The following GRIK2 variants were observed in gnomAD, a reference collection of about 807,000 sequenced individuals.
GRIK2 encodes the protein glutamate receptor ionotropic, kainate 2.
A neutral mutation model predicts 100.3 loss-of-function variants in GRIK2; 32 were observed. The ratio of observed to expected loss-of-function variants is 0.32; its 90% CI spans 0.24 to 0.43. The LOEUF (loss-of-function observed/expected upper bound fraction) is 0.43. Ranked by LOEUF, GRIK2 falls within the 20% of genes least tolerant of loss-of-function variation. GRIK2 has a pLI of 1.00. For missense variants in GRIK2, 843 were observed against 1,114.9 expected (o/e 0.76, Z 3.47); for synonymous variants, 417 against 389.4 (o/e 1.07, Z -0.83).
intron 7 of GRIK2, among the ~76,000 whole-genome samples, chr6:101,781,810 T>TAA (rs1306993707): frequency 1.3e-5 from 2 of 151,682 alleles, no homozygotes; most frequent in Non-Finnish European, 2.9e-5. Flanking sequence ...ACCCACCTAT[T>TAA]ATTGAACCAT....
At chr6:101,454,098 G>A (rs1010011588) in intron 2 of GRIK2, among the ~76,000 whole-genome samples, 2 of 152,018 alleles carry the variant, frequency 1.3e-5, no homozygotes, top group Non-Finnish European at 2.9e-5. Flanking sequence ...ACTGAAGGAA[G>A]AAGGCCGATT....
intron 14 of GRIK2, among the ~76,000 whole-genome samples, chr6:102,002,369 T>A (rs1280549982): frequency 2.1e-5 from 3 of 145,804 alleles, no homozygotes; most frequent in Non-Finnish European, 4.6e-5. Context: ...ATATTATGTA[T>A]ATATTTATGT....
At chr6:102,002,645 T>C (rs939867916) in intron 14 of GRIK2, among the ~76,000 whole-genome samples, 1 of 150,692 alleles carries the variant, frequency 6.6e-6, no homozygotes, top group Admixed American at 6.6e-5. Flanking sequence ...TATTTTTGGT[T>C]ATTTTGGGTA....
intron 2 of GRIK2, among the ~76,000 whole-genome samples, chr6:101,483,142 A>G (rs1049310246): frequency 1.3e-5 from 2 of 152,158 alleles, no homozygotes; most frequent in African/African-American, 4.8e-5. Context: ...TTTCTAAAGC[A>G]GTGGTCGCAA....
chr6:101,705,301 C>CT (rs1299561306), intron 7 of GRIK2, among the ~76,000 whole-genome samples: 2 of 150,810 alleles, frequency 1.3e-5, no homozygotes, highest in African/African-American at 2.4e-5. Context: ...TCTTCTTCTT[C>CT]TTTTTTTTAA....
chr6:101,686,367 C>G lies in GRIK2; in HGVS notation c.951+14C>G, dbSNP rs1771700896. On this transcript the variant is annotated intron_variant, in intron 7 of 16. Coordinates refer to ENST00000369134, the MANE Select transcript of GRIK2 (RefSeq NM_021956.5). ...GGATTTATGACGGTATGAATACCCA[C>G]TTAAAGATCAGTTTGTGTGTTTCTA... 1 of 1,598,998 alleles carries G rather than the reference C, an allele frequency of 6.3e-7. No homozygotes were observed. Among genetic ancestry groups the G allele is most frequent in the African/African-American group, 1.3e-5 (1 of 74,566 alleles).
At chr6:101,836,661 A>ATATTTTTTT (rs1246261796) in intron 10 of GRIK2, among the ~76,000 whole-genome samples, 3 of 57,808 alleles carry the variant, frequency 5.2e-5, no homozygotes, top group Non-Finnish European at 8.5e-5. Context: ...ATATATATAT[A>ATATTTTTTT]TTTTTTTTTT....
intron 2 of GRIK2, among the ~76,000 whole-genome samples, chr6:101,516,507 A>G (rs2128279940): frequency 6.6e-6 from 1 of 152,228 alleles, no homozygotes; most frequent in African/African-American, 2.4e-5. Context: ...CTTTTTAACA[A>G]ATGATACTGG....
chr6:101,775,201 A>G (rs915659021), intron 7 of GRIK2, among the ~76,000 whole-genome samples: 5 of 152,164 alleles, frequency 3.3e-5, no homozygotes, highest in Non-Finnish European at 5.9e-5. Context: ...AAAATAAGCT[A>G]ATTGGCAATC....
In GRIK2 at chr6:101,700,085, A is replaced by G. The variant is rs145814280; in HGVS notation, c.951+13732A>G. Among the ~76,000 whole-genome samples, 381 of 152,106 alleles carry G rather than the reference A, an allele frequency of 2.5e-3. 6 individuals carry two copies. Among genetic ancestry groups the G allele is most frequent in the African/African-American group, 9.0e-3 (374 of 41,532 alleles). Reference sequence around the variant, plus strand: ...AGATCACTTGATCCTGAGAGGTCGAAGCTGCAGTGAGCCGTGATCATGCAA... The same window carrying G: ...AGATCACTTGATCCTGAGAGGTCGAGGCTGCAGTGAGCCGTGATCATGCAA... On this transcript the variant is annotated intron_variant, in intron 7 of 16. Transcript: ENST00000369134.
chr6:101,624,478 T>G (rs1780332998), intron 3 of GRIK2, among the ~76,000 whole-genome samples: 1 of 152,196 alleles, frequency 6.6e-6, no homozygotes, highest in Admixed American at 6.5e-5. Flanking sequence ...AAACAAGTGT[T>G]CTGACAATAA....
rs73761486 is a variant in GRIK2 at position 101,931,459 on chromosome 6, A to G, written c.2085+2827A>G. Among the ~76,000 whole-genome samples the G allele has an allele frequency of 9.0e-3, 1,366 of 152,260 alleles. 19 individuals are homozygous for G. The highest frequency in any genetic ancestry group is 0.031 in the African/African-American group (1,281 of 41,562). On this transcript the variant is annotated intron_variant, in intron 14 of 16. Transcript: ENST00000369134. ...TTCCAGAAAATTATTATAAAAAACGATACAGTTTTGTTACTACTAGCAAGA... is the reference window on the plus strand; with the variant it reads ...TTCCAGAAAATTATTATAAAAAACGGTACAGTTTTGTTACTACTAGCAAGA...
At chr6:101,461,198 C>T (rs1038862594) in intron 2 of GRIK2, among the ~76,000 whole-genome samples, 2 of 152,194 alleles carry the variant, frequency 1.3e-5, no homozygotes, top group Non-Finnish European at 2.9e-5. Flanking sequence ...ATAACAATTA[C>T]TGCAACTTAA....
intron 16 of GRIK2, 74 bp from the exon 17 acceptor site, chr6:102,068,273 G>T: frequency 9.1e-7 from 1 of 1,095,160 alleles, no homozygotes; most frequent in South Asian, 1.6e-5. Context: ...TGTTGAGGAT[G>T]ATTTTAATAT....
intron 2 of GRIK2, among the ~76,000 whole-genome samples, chr6:101,405,017 C>T (rs1047835851): frequency 2.0e-5 from 3 of 152,006 alleles, no homozygotes; most frequent in East Asian, 1.9e-4. Flanking sequence ...GGTCATGGGG[C>T]GATAAAGACC....
At chr6:101,682,975 A>G (rs1348578335) in intron 6 of GRIK2, among the ~76,000 whole-genome samples, 2 of 152,118 alleles carry the variant, frequency 1.3e-5, no homozygotes, top group East Asian at 3.9e-4. Flanking sequence ...AGGCCGGGGC[A>G]GAAGGATCAC....
At chr6:101,977,588 C>T (rs1300669782) in intron 14 of GRIK2, among the ~76,000 whole-genome samples, 1 of 151,932 alleles carries the variant, frequency 6.6e-6, no homozygotes, top group Non-Finnish European at 1.5e-5. Flanking sequence ...ATAGACCTCA[C>T]CATATTTAGT....
At chr6:101,493,923 A>AT (rs1489625619) in intron 2 of GRIK2, among the ~76,000 whole-genome samples, 9 of 130,380 alleles carry the variant, frequency 6.9e-5, no homozygotes, top group African/African-American at 2.3e-4. Flanking sequence ...TATTATATAT[A>AT]TTTTATATAT....
chr6:101,975,862 T>A (rs182339250), intron 14 of GRIK2, among the ~76,000 whole-genome samples: 123 of 152,032 alleles, frequency 8.1e-4, no homozygotes, highest in Admixed American at 8.1e-3. Context: ...CATCCATCCA[T>A]CCATTCAACT....
Sources: allele counts gnomAD v4.1 joint callset (sites outside exome capture counted in the v4.1 genomes callset), GRCh38; gene constraint gnomAD v4.1.1; transcripts MANE v1.5; gene names NCBI Gene and HGNC (gene_info 2026-07-23, HGNC 2026-07-21).